The following EFR3A variants were observed in gnomAD, a reference collection of about 807,000 sequenced individuals.
The protein encoded by EFR3A is EFR3 homolog A.
A neutral mutation model predicts 104.4 loss-of-function variants in EFR3A; 76 were observed. That is an observed-to-expected ratio of 0.73 (90% CI 0.60 to 0.88). EFR3A has a LOEUF of 0.88. EFR3A is among the 40% of genes least tolerant of loss of function. The probability of loss-of-function intolerance (pLI) is 0.00; values close to 1 mark genes in which losing one functional copy is unlikely to be tolerated. For missense variants in EFR3A, 985 were observed against 1,012.5 expected (o/e 0.97, Z 0.37); for synonymous variants, 330 against 330.0 (o/e 1.00, Z 0.00).
rs1822375436 is a variant in EFR3A, at chr8:132,012,155, C to T, written c.*1260C>T. On this transcript the variant is annotated 3_prime_UTR_variant, in exon 23 of 23. Transcript: ENST00000254624. ...GTTTATAGTTCTATCTTTTCAGATT[C>T]CATTTCTTTTTACATAAAACAGCAT... 6.6e-6 allele frequency: 1 copy of T among 152,106 alleles called. No individual in the cohort carries two copies. Among genetic ancestry groups the T allele is most frequent in the African/African-American group, 2.4e-5 (1 of 41,438 alleles). 9.4% of individuals were successfully genotyped at this position (152,106 alleles called of 1,614,324 possible). A position where few individuals can be genotyped will look rare whatever the true frequency, so the allele number is the denominator to read the frequency against.
intron 1 of EFR3A, among the ~76,000 whole-genome samples, chr8:131,931,248 G>C (rs1219850011): frequency 6.6e-6 from 1 of 152,114 alleles, no homozygotes; most frequent in Non-Finnish European, 1.5e-5. Flanking sequence ...TGGAAACATA[G>C]TTCGCTTTGA....
intron 5 of EFR3A, 92 bp downstream of exon 5, chr8:131,950,182 T>C: frequency 7.7e-7 from 1 of 1,304,698 alleles, no homozygotes; most frequent in Non-Finnish European, 1.0e-6. Flanking sequence ...GAGGAAACAA[T>C]AATATGCCTG....
intron 8 of EFR3A, among the ~76,000 whole-genome samples, chr8:131,960,928 G>C (rs56213205): frequency 0.022 from 3,301 of 152,202 alleles, 57 homozygotes; most frequent in Middle Eastern, 0.044. Flanking sequence ...TGCAGCCTCC[G>C]CTGCTGATAC....
chr8:131,984,349 A>G, intron 15 of EFR3A, 49 bp downstream of exon 15: 1 of 1,450,034 alleles, frequency 6.9e-7, no homozygotes, highest in Non-Finnish European at 9.1e-7. Context: ...TATAAAGCAG[A>G]CAACATCTTT....
intron 1 of EFR3A, chr8:131,939,751 T>C (rs1818075118): frequency 6.6e-6 from 1 of 152,174 alleles, no homozygotes; most frequent in Non-Finnish European, 1.5e-5. Context: ...TCAGTGCTTG[T>C]GTGCTTAATA....
intron 18 of EFR3A, among the ~76,000 whole-genome samples, chr8:131,995,579 G>A (rs1821431983): frequency 6.6e-6 from 1 of 152,160 alleles, no homozygotes; most frequent in Admixed American, 6.5e-5. Flanking sequence ...TTCATGAAGT[G>A]GTTAAGCAGA....
intron 19 of EFR3A, among the ~76,000 whole-genome samples, chr8:131,998,448 A>G (rs901424518): frequency 1.3e-5 from 2 of 151,906 alleles, no homozygotes; most frequent in African/African-American, 2.4e-5. Flanking sequence ...AAAGAGAGAG[A>G]GTCAGAAGGT....
chr8:131,998,426 T>C (rs750266572), intron 19 of EFR3A, among the ~76,000 whole-genome samples: 3 of 151,890 alleles, frequency 2.0e-5, no homozygotes, highest in Non-Finnish European at 4.4e-5. Context: ...TTTAAACTTA[T>C]AATTTAAAAA....
chr8:131,959,498 C>G (rs1321865867), intron 7 of EFR3A, 87 bp from the exon 8 acceptor site: 2 of 1,021,098 alleles, frequency 2.0e-6, no homozygotes, highest in Admixed American at 4.7e-5. Flanking sequence ...AATATTCTCA[C>G]TATTAAGCTT....
rs8859 is a variant in EFR3A at position 132,013,424 on chromosome 8, C to G, written c.*2529C>G. On this transcript the variant is annotated 3_prime_UTR_variant, in exon 23 of 23. Coordinates refer to ENST00000254624, the MANE Select transcript of EFR3A (RefSeq NM_015137.6). ...CACTTTACCAGCAATTAACTTCTCC[C>G]TACCCAAAATGTTTTTCTTCCTGTC... 0.11 allele frequency: 16,028 copies of G among 152,594 alleles called. 1,058 individuals carry two copies. Among genetic ancestry groups the G allele is most frequent in the South Asian group, 0.22 (1,078 of 4,816 alleles). The allele number at this position is 152,594 out of a possible 1,614,324, so 9.5% of individuals were successfully genotyped here.
chr8:131,966,778 T>C (rs1364219255), intron 8 of EFR3A, among the ~76,000 whole-genome samples: 2 of 152,168 alleles, frequency 1.3e-5, no homozygotes, highest in East Asian at 1.9e-4. Flanking sequence ...ATTCATCTGT[T>C]AACATTGCCT....
rs1195642137 is a variant in EFR3A, at chr8:131,953,709, TGATAA to T, written c.489-103_489-99del. 6.9e-6 allele frequency: 7 copies of T among 1,013,392 alleles called. No individual in the cohort carries two copies. In the Admixed American group the frequency reaches 1.8e-4, roughly 26 times the overall value. 62.8% of individuals were successfully genotyped at this position (1,013,392 alleles called of 1,614,324 possible). ...TGTGTGTTATTTTAAGATATTTTATTGATAAGATAACAGTATTTACTTGATATCCA... is the reference window on the plus strand; with the variant it reads ...TGTGTGTTATTTTAAGATATTTTATTGATAACAGTATTTACTTGATATCCA... On this transcript the variant is annotated intron_variant, in intron 5 of 22. Transcript: ENST00000254624.
At chr8:131,972,200 T>G (rs930436128) in intron 10 of EFR3A, among the ~76,000 whole-genome samples, 2 of 152,090 alleles carry the variant, frequency 1.3e-5, no homozygotes, top group Non-Finnish European at 2.9e-5. Flanking sequence ...GTGCTCAGAT[T>G]GTCCCTGATT....
At position 132,011,550 on chromosome 8, in the gene EFR3A, T is replaced by C. The variant is rs984667055; in HGVS notation, c.*655T>C. 7.9e-5 allele frequency: 44 copies of C among 556,130 alleles called. No homozygotes were observed. The African/African-American group carries it at 8.2e-4, about 10-fold the overall frequency. 34.4% of individuals were successfully genotyped at this position (556,130 alleles called of 1,614,324 possible). ...TGTCTGGTTCTTGTAATATTGTGTT[T>C]CCTGCCAAGAGTTTGACCATTCTGC... On this transcript the variant is annotated 3_prime_UTR_variant, in exon 23 of 23. Transcript: ENST00000254624.
chr8:131,918,102 C>T (rs1165450855), intron 1 of EFR3A, among the ~76,000 whole-genome samples: 1 of 152,300 alleles, frequency 6.6e-6, no homozygotes, highest in African/African-American at 2.4e-5. Context: ...GCCTGACCAA[C>T]ATGGTGAAAC....
intron 1 of EFR3A, chr8:131,935,653 A>G (rs1215316598): frequency 4.2e-6 from 1 of 240,498 alleles, no homozygotes; most frequent in African/African-American, 2.3e-5. Context: ...TCAAAGCCAT[A>G]CAGTCAGTTT....
intron 8 of EFR3A, among the ~76,000 whole-genome samples, chr8:131,961,727 C>G (rs572876403): frequency 1.3e-5 from 2 of 152,148 alleles, no homozygotes; most frequent in South Asian, 2.1e-4. Context: ...AGATACTCCT[C>G]GAGAAGAGCA....
intron 1 of EFR3A, among the ~76,000 whole-genome samples, chr8:131,906,413 C>T (rs542893076): frequency 6.6e-6 from 1 of 152,266 alleles, no homozygotes; most frequent in African/African-American, 2.4e-5. Flanking sequence ...GCCAGTTAAT[C>T]CGTACGAGTT....
At chr8:131,991,741 G>A (rs540773189) in intron 18 of EFR3A, among the ~76,000 whole-genome samples, 5 of 152,088 alleles carry the variant, frequency 3.3e-5, no homozygotes, top group Admixed American at 2.0e-4. Context: ...GGGAAGGAAC[G>A]TAAAGCTCCA....
Sources: gnomAD v4.1 joint callset for allele counts (sites outside exome capture counted in the v4.1 genomes callset) on GRCh38, gnomAD v4.1.1 for gene constraint, MANE v1.5 for transcripts, NCBI Gene and HGNC (gene_info 2026-07-23, HGNC 2026-07-21) for gene names.